SDK1: variants seen among roughly 807,000 people sequenced by gnomAD.
SDK1 encodes protein sidekick-1.
SDK1 carries 157 observed loss-of-function variants against 245.5 expected under a neutral mutation model. That is an observed-to-expected ratio of 0.64 (90% CI 0.56 to 0.73). The LOEUF (loss-of-function observed/expected upper bound fraction) is 0.73, where lower values mean the gene tolerates loss of function less well. SDK1 is among the 30% of genes least tolerant of loss of function. The pLI is 0.00. For missense variants in SDK1, 3,583 were observed against 3,002.3 expected (o/e 1.19, Z -4.52); for synonymous variants, 1,647 against 1,278.5 (o/e 1.29, Z -6.15).
intron 4 of SDK1, among the ~76,000 whole-genome samples, chr7:3,644,723 C>T (rs1001229992): frequency 3.0e-5 from 4 of 131,676 alleles, no homozygotes; most frequent in Admixed American, 9.2e-5. Flanking sequence ...CAGTGAGCTA[C>T]GATGGTGCCA....
At chr7:3,947,932 G>A (rs895948709) in intron 5 of SDK1, among the ~76,000 whole-genome samples, 6 of 152,056 alleles carry the variant, frequency 3.9e-5, no homozygotes, top group Non-Finnish European at 8.8e-5. Context: ...TTAGGGAGAG[G>A]GGGTATGGTT....
chr7:3,660,925 T>C (rs76416846), intron 4 of SDK1, among the ~76,000 whole-genome samples: 3,751 of 152,356 alleles, frequency 0.025, 165 homozygotes, highest in African/African-American at 0.085. Context: ...TTTGGTGATA[T>C]GTGTATACTT....
chr7:3,552,701 C>G (rs1325415317), intron 1 of SDK1, among the ~76,000 whole-genome samples: 1 of 152,174 alleles, frequency 6.6e-6, no homozygotes, highest in Admixed American at 6.5e-5. Context: ...TTTGTCTTAG[C>G]TGTCATGCAA....
At chr7:3,349,448 G>T (rs1780598652) in intron 1 of SDK1, among the ~76,000 whole-genome samples, 1 of 152,152 alleles carries the variant, frequency 6.6e-6, no homozygotes, top group Non-Finnish European at 1.5e-5. Flanking sequence ...TTGGCTATTG[G>T]ACCTGAGTGA....
chr7:4,267,810 C>T lies in SDK1; in HGVS notation c.*2426C>T, dbSNP rs561275095. The T allele has an allele frequency of 9.4e-5, 93 of 985,588 alleles. No homozygotes were observed. The African/African-American group carries it at 1.2e-3, about 13-fold the overall frequency. The allele number at this position is 985,588 out of a possible 1,614,324, so 61.1% of individuals were successfully genotyped here. Reference sequence around the variant, plus strand: ...CTTGATCTGTACGGAGCGGCCTGTCCGAGGCTACGCCGGCCTCCTGGCTGC... The same window carrying T: ...CTTGATCTGTACGGAGCGGCCTGTCTGAGGCTACGCCGGCCTCCTGGCTGC... On this transcript the variant is annotated 3_prime_UTR_variant, in exon 45 of 45. Coordinates refer to ENST00000404826, the MANE Select transcript of SDK1 (RefSeq NM_152744.4).
intron 40 of SDK1, among the ~76,000 whole-genome samples, chr7:4,230,039 A>G (rs1323921852): frequency 6.0e-5 from 4 of 66,530 alleles, no homozygotes; most frequent in African/African-American, 6.5e-5. Context: ...AGGGGGACCC[A>G]GAAGGAAGGA....
chr7:3,443,296 G>C (rs942653513), intron 1 of SDK1, among the ~76,000 whole-genome samples: 5 of 152,104 alleles, frequency 3.3e-5, no homozygotes, highest in African/African-American at 4.8e-5. Flanking sequence ...ACTTATGTTT[G>C]ACAATTTTAG....
intron 7 of SDK1, among the ~76,000 whole-genome samples, chr7:3,953,170 G>GA (rs35344518): frequency 0.34 from 46,207 of 135,336 alleles, 7,439 homozygotes; most frequent in Middle Eastern, 0.45. Flanking sequence ...GCAAAATAAG[G>GA]AAAAAAAAAA....
At chr7:3,582,268 GGTCTCCCTCAGGTA>G (rs1780525130) in intron 1 of SDK1, among the ~76,000 whole-genome samples, 1 of 151,662 alleles carries the variant, frequency 6.6e-6, no homozygotes, top group African/African-American at 2.4e-5. Flanking sequence ...GCCTCAGGTA[GGTCTCCCTCAGGTA>G]GGTCTGTCTC....
chr7:3,829,917 C>T (rs1444331475), intron 5 of SDK1, among the ~76,000 whole-genome samples: 1 of 152,138 alleles, frequency 6.6e-6, no homozygotes, highest in African/African-American at 2.4e-5. Flanking sequence ...AGGTTTGGCT[C>T]AAGGGTGCAG....
rs757491117 is a variant in SDK1 at position 3,398,324 on chromosome 7, G to C, written c.298+96440G>C. On this transcript the variant is annotated intron_variant, in intron 1 of 44. Coordinates refer to ENST00000404826, the MANE Select transcript of SDK1 (RefSeq NM_152744.4). The stretch of plus-strand genomic sequence containing the variant: ...TGTTGATGTAGTGATAAGGTGTTGC[G>C]GAGAGGAAACATTCTATAATCTTGT... Among the ~76,000 whole-genome samples the C allele has an allele frequency of 3.3e-5, 5 of 152,144 alleles. 1 individual carries two copies. Among genetic ancestry groups the C allele is most frequent in the Non-Finnish European group, 2.9e-5 (2 of 67,974 alleles).
chr7:4,228,418 G>A (rs1207542183), intron 40 of SDK1, among the ~76,000 whole-genome samples: 1 of 152,244 alleles, frequency 6.6e-6, no homozygotes, highest in Non-Finnish European at 1.5e-5. Context: ...ATTACCCACA[G>A]GAAGTTCAAA....
At chr7:3,430,235 G>C (rs975620299) in intron 1 of SDK1, among the ~76,000 whole-genome samples, 1 of 152,166 alleles carries the variant, frequency 6.6e-6, no homozygotes, top group African/African-American at 2.4e-5. Context: ...GTAATAAAAG[G>C]ACTTGATGCA....
intron 5 of SDK1, among the ~76,000 whole-genome samples, chr7:3,884,823 G>A (rs766858160): frequency 8.2e-4 from 125 of 152,224 alleles, no homozygotes; most frequent in Non-Finnish European, 9.4e-4. Flanking sequence ...ACTCCTCAGC[G>A]TGAGTCATTA....
intron 1 of SDK1, among the ~76,000 whole-genome samples, chr7:3,481,459 G>A (rs953546611): frequency 5.3e-5 from 8 of 152,242 alleles, no homozygotes; most frequent in Non-Finnish European, 7.3e-5. Context: ...TCTACACGCT[G>A]TTCTGTGCTC....
chr7:3,982,429 T>A (rs1321901429), intron 13 of SDK1, among the ~76,000 whole-genome samples: 1 of 152,204 alleles, frequency 6.6e-6, no homozygotes, highest in African/African-American at 2.4e-5. Flanking sequence ...CAAGTCCCAT[T>A]ATTTAAGGAA....
At chr7:3,608,678 C>T (rs1781496805) in intron 1 of SDK1, among the ~76,000 whole-genome samples, 2 of 152,152 alleles carry the variant, frequency 1.3e-5, no homozygotes, top group Non-Finnish European at 2.9e-5. Flanking sequence ...CTGCATCACT[C>T]AGCGAACCAG....
chr7:3,693,915 C>T (rs556185240), intron 4 of SDK1, among the ~76,000 whole-genome samples: 1 of 152,276 alleles, frequency 6.6e-6, no homozygotes, highest in African/African-American at 2.4e-5. Context: ...TGACCTCTGC[C>T]CCAGGACTGT....
At chr7:3,463,820 A>G (rs980046648) in intron 1 of SDK1, among the ~76,000 whole-genome samples, 1 of 152,082 alleles carries the variant, frequency 6.6e-6, no homozygotes, top group Admixed American at 6.6e-5. Context: ...AGGACAGGCC[A>G]TAGGAGGAGG....
Sources: allele counts gnomAD v4.1 joint callset (sites outside exome capture counted in the v4.1 genomes callset), GRCh38; gene constraint gnomAD v4.1.1; transcripts MANE v1.5; gene names NCBI Gene and HGNC (gene_info 2026-07-23, HGNC 2026-07-21).